The following ATP6V0A2 variants were observed in gnomAD, a reference collection of about 807,000 sequenced individuals.
ATP6V0A2 encodes V-type proton ATPase 116 kDa subunit a 2.
Under a neutral mutation model 104.4 loss-of-function variants are expected in ATP6V0A2, and 58 were observed. That is an observed-to-expected ratio of 0.56 (90% CI 0.45 to 0.69). The LOEUF is 0.69. ATP6V0A2 is among the 30% of genes least tolerant of loss of function. The pLI, the probability that ATP6V0A2 is intolerant of heterozygous loss-of-function variation, is 0.00. For missense variants in ATP6V0A2, 938 were observed against 1,062.9 expected, an observed-to-expected ratio of 0.88 and a Z score of 1.63; for synonymous variants, 376 against 397.9, an observed-to-expected ratio of 0.95 and a Z score of 0.65.
Position 123,747,706 on chromosome 12 carries a change from C to T in ATP6V0A2, c.1705C>T (p.Leu569=), listed in dbSNP as rs1319606246. ...CATTCATATGACTTTTGGAGTCATT[C>T]TGGGAATATTTAACCACTTGTAAGT... is the stretch of plus-strand genomic sequence containing the variant. ...GIIHMTFGVI[L]GIFNHLHFRK... Residue 569 remains leucine, a synonymous_variant, in exon 14 of 20, where the codon CTG becomes TTG. Coordinates refer to ENST00000330342, the MANE Select transcript of ATP6V0A2 (RefSeq NM_012463.4). The T allele has an allele frequency of 4.4e-6, 7 of 1,599,488 alleles. No homozygotes were observed. The African/African-American group carries it at 9.4e-5, about 21-fold the overall frequency.
At position 123,743,719 on chromosome 12, in the gene ATP6V0A2, G is replaced by A. The variant is rs564064332; in HGVS notation, c.1039-66G>A. ...AAAAACAAAGCAGTAACCCAGATTC[G>A]TTGAATATGGATAGTTATTTTCTTC... On this transcript the variant is annotated intron_variant, in intron 9 of 19. Transcript: ENST00000330342. 3.6e-5 allele frequency: 57 copies of A among 1,573,044 alleles called. No individual in the cohort carries two copies. The South Asian group carries it at 5.3e-4, about 15-fold the overall frequency.
rs202106256 is a variant in ATP6V0A2 at position 123,724,765 on chromosome 12, A to G, written c.406A>G (p.Lys136Glu). ...IEYTHMLRVTKTFVKRNVEFE... is the reference protein window; with the variant it reads ...IEYTHMLRVTETFVKRNVEFE... Reference sequence around the variant, plus strand: ...GTACACTCACATGCTGAGAGTGACAAAGACCTTTGTGAAACGCAATGTTGA... The same window carrying G: ...GTACACTCACATGCTGAGAGTGACAGAGACCTTTGTGAAACGCAATGTTGA... Residue 136 changes from lysine (K) to glutamate (E), a missense_variant, in exon 4 of 20, where the codon AAG becomes GAG. Physicochemically the swap from Lys to Glu is moderately conservative, Grantham distance 56 (BLOSUM62 1). Coordinates refer to ENST00000330342, the MANE Select transcript of ATP6V0A2 (RefSeq NM_012463.4). 6.5e-5 allele frequency: 105 copies of G among 1,613,806 alleles called. No individual in the cohort carries two copies. The highest frequency in any genetic ancestry group is 8.4e-5 in the Non-Finnish European group (99 of 1,179,788).
At chr12:123,731,666 T>C (rs780338356) in intron 6 of ATP6V0A2, 1 of 152,164 alleles carries the variant, frequency 6.6e-6, no homozygotes, top group Non-Finnish European at 1.5e-5. Flanking sequence ...GTGTTGGGAT[T>C]ACCATTCCCA....
intron 13 of ATP6V0A2, among the ~76,000 whole-genome samples, chr12:123,745,810 G>A (rs962398585): frequency 6.6e-6 from 1 of 152,120 alleles, no homozygotes; most frequent in African/African-American, 2.4e-5. Context: ...GGACTGCAGG[G>A]TTGGGTGGGG....
Position 123,751,168 on chromosome 12 carries a change from T to A in ATP6V0A2, c.1994T>A (p.Leu665Ter), listed in dbSNP as rs1956710372. The A allele has an allele frequency of 1.9e-6, 3 of 1,614,066 alleles. No individual in the cohort carries two copies. Among genetic ancestry groups the A allele is most frequent in the Non-Finnish European group, 2.5e-6 (3 of 1,180,046 alleles). ...VTALSVPVLFLGKPLFLLWLH... is the reference protein window; with the variant it reads ...VTALSVPVLF ...GCATTGTCTGTCCCTGTCCTCTTCT[T>A]GGGAAAGCCACTGTTTTTGTTGTGG... The change falls in exon 16 of 20, where the codon TTG (leucine) becomes TAG (stop). Residue 665 changes from leucine to a stop codon, truncating the protein, a stop_gained. Transcript: ENST00000330342. LOFTEE classifies it high-confidence loss of function.
intron 1 of ATP6V0A2, among the ~76,000 whole-genome samples, chr12:123,714,935 C>CCGGGGG (rs1956325899): frequency 6.6e-6 from 1 of 152,104 alleles, no homozygotes; most frequent in African/African-American, 2.4e-5. Context: ...CAAAAATTAG[C>CCGGGGG]TGGGCATGGC....
At chr12:123,753,167 C>T (rs953988682) in intron 17 of ATP6V0A2, among the ~76,000 whole-genome samples, 1 of 137,506 alleles carries the variant, frequency 7.3e-6, no homozygotes, top group Non-Finnish European at 1.6e-5. Flanking sequence ...TCCCCTTTAC[C>T]AGTGACTGCT....
At chr12:123,725,005 G>A (rs973973390) in intron 4 of ATP6V0A2, among the ~76,000 whole-genome samples, 1 of 151,898 alleles carries the variant, frequency 6.6e-6, no homozygotes, top group African/African-American at 2.4e-5. Flanking sequence ...GCACAATCTC[G>A]GCTCACTGCA....
At chr12:123,754,179 G>A (rs1956741682) in intron 17 of ATP6V0A2, 4 of 598,164 alleles carry the variant, frequency 6.7e-6, no homozygotes, top group Non-Finnish European at 1.2e-5. Flanking sequence ...GAGGCGTGCG[G>A]TGGGAGTGGG....
At chr12:123,730,347 A>G (rs7398606) in intron 6 of ATP6V0A2, among the ~76,000 whole-genome samples, 97,544 of 151,672 alleles carry the variant, frequency 0.64, 31,624 homozygotes, top group East Asian at 0.94. Context: ...GAGCCACCAC[A>G]CCCGGCCAGG....
chr12:123,749,131 A>C (rs1046480640), intron 15 of ATP6V0A2, among the ~76,000 whole-genome samples: 7 of 152,280 alleles, frequency 4.6e-5, no homozygotes, highest in African/African-American at 1.7e-4. Flanking sequence ...CTCTACAAAA[A>C]ACACAAAAAT....
At chr12:123,743,725 T>C in intron 9 of ATP6V0A2, 60 bp from the exon 10 acceptor site, 1 of 1,594,194 alleles carries the variant, frequency 6.3e-7, no homozygotes, top group Non-Finnish European at 8.6e-7. Flanking sequence ...ATTCGTTGAA[T>C]ATGGATAGTT....
At chr12:123,713,917 G>A (rs1372561774) in intron 1 of ATP6V0A2, among the ~76,000 whole-genome samples, 1 of 152,156 alleles carries the variant, frequency 6.6e-6, no homozygotes, top group East Asian at 1.9e-4. Flanking sequence ...TAAGGCAGTT[G>A]CAAAGTCATG....
At chr12:123,750,913 A>C (rs1956707909) in intron 15 of ATP6V0A2, 197 bp from the exon 16 acceptor site, 2 of 648,074 alleles carry the variant, frequency 3.1e-6, no homozygotes, top group Non-Finnish European at 5.4e-6. Flanking sequence ...CAGGGTCATT[A>C]ATGTTATTCA....
chr12:123,739,372 G>A (rs1041249501), intron 9 of ATP6V0A2, among the ~76,000 whole-genome samples: 13 of 152,172 alleles, frequency 8.5e-5, no homozygotes, highest in African/African-American at 3.1e-4. Flanking sequence ...TGACTGAGAC[G>A]TTCTCCAGTG....
chr12:123,730,345 A>G (rs142599916), intron 6 of ATP6V0A2, among the ~76,000 whole-genome samples: 4,612 of 151,678 alleles, frequency 0.03, 107 homozygotes, highest in African/African-American at 0.069. Context: ...GTGAGCCACC[A>G]CACCCGGCCA....
chr12:123,750,937 T>C, intron 15 of ATP6V0A2, 173 bp from the exon 16 acceptor site: 2 of 757,772 alleles, frequency 2.6e-6, no homozygotes, highest in Non-Finnish European at 4.5e-6. Context: ...GTTCTAGAAT[T>C]CAGCTATGAG....
chr12:123,718,270 C>T (rs950072431), intron 1 of ATP6V0A2, among the ~76,000 whole-genome samples: 5 of 151,724 alleles, frequency 3.3e-5, no homozygotes, highest in African/African-American at 9.7e-5. Context: ...TTTGTGTTTT[C>T]GTAGAGGTGG....
At chr12:123,741,503 G>T (rs902414942) in intron 9 of ATP6V0A2, among the ~76,000 whole-genome samples, 6 of 152,112 alleles carry the variant, frequency 3.9e-5, no homozygotes, top group African/African-American at 1.4e-4. Context: ...GGTAATGGTC[G>T]TAGCTCACTG....
Sources: gnomAD v4.1 joint callset for allele counts (sites outside exome capture counted in the v4.1 genomes callset) on GRCh38, gnomAD v4.1.1 for gene constraint, MANE v1.5 for transcripts, NCBI Gene and HGNC (gene_info 2026-07-23, HGNC 2026-07-21) for gene names.